The following IMMP2L variants were observed in gnomAD, a reference collection of about 807,000 sequenced individuals.
IMMP2L encodes mitochondrial inner membrane protease subunit 2.
Under a neutral mutation model 19.3 loss-of-function variants are expected in IMMP2L, and 18 were observed. The observed-to-expected ratio is 0.93, with a 90% CI of 0.64 to 1.38. IMMP2L has a LOEUF of 1.38. Ranked by LOEUF, IMMP2L falls within the 40% of genes most tolerant of loss-of-function variation. IMMP2L has a pLI of 0.00. For missense variants in IMMP2L, 233 were observed against 218.2 expected (o/e 1.07, Z -0.43); for synonymous variants, 76 against 73.0 (o/e 1.04, Z -0.21).
rs565628628 is a variant in IMMP2L at position 110,898,811 on chromosome 7, T to G, written c.306-12116A>C. 2.1e-4 allele frequency among the ~76,000 whole-genome samples: 32 copies of G among 148,858 alleles called. No homozygotes were observed. The East Asian group carries it at 2.9e-3, about 13-fold the overall frequency. On this transcript the variant is annotated intron_variant, in intron 4 of 5. Coordinates refer to ENST00000405709, the MANE Select transcript of IMMP2L (RefSeq NM_032549.4). ...TCAGCTCTTTTTCCTGAGTTTGTTT[T>G]TTTTTTTTTTTAAATAAAGAACTTA...
intron 2 of IMMP2L, among the ~76,000 whole-genome samples, chr7:111,508,540 C>A (rs1269014711): frequency 6.6e-6 from 1 of 152,054 alleles, no homozygotes; most frequent in Non-Finnish European, 1.5e-5. Context: ...AAGCTTTCAG[C>A]CAAGAGAGGG....
chr7:110,772,833 T>C (rs1799124150), intron 5 of IMMP2L, among the ~76,000 whole-genome samples: 1 of 152,166 alleles, frequency 6.6e-6, no homozygotes, highest in Non-Finnish European at 1.5e-5. Flanking sequence ...CCAGTATTAC[T>C]GGCAGGAGGC....
chr7:111,170,672 T>C (rs964491095), intron 3 of IMMP2L, among the ~76,000 whole-genome samples: 2 of 151,868 alleles, frequency 1.3e-5, no homozygotes, highest in African/African-American at 2.4e-5. Context: ...TGAGGGTTCC[T>C]ATCATCTCCC....
chr7:111,249,552 T>A (rs1046154104), intron 3 of IMMP2L, among the ~76,000 whole-genome samples: 1 of 152,144 alleles, frequency 6.6e-6, no homozygotes, highest in African/African-American at 2.4e-5. Context: ...CCCCCTCTTG[T>A]TGCTTTAACT....
At chr7:110,980,559 T>G (rs779734226) in intron 3 of IMMP2L, among the ~76,000 whole-genome samples, 1 of 152,086 alleles carries the variant, frequency 6.6e-6, no homozygotes, top group Non-Finnish European at 1.5e-5. Flanking sequence ...TGTGAGCCAG[T>G]TGAGGAAAGA....
At chr7:111,438,437 C>T (rs1458752957) in intron 3 of IMMP2L, among the ~76,000 whole-genome samples, 1 of 151,750 alleles carries the variant, frequency 6.6e-6, no homozygotes, top group Non-Finnish European at 1.5e-5. Context: ...AGGAGTCCCA[C>T]ACCCACTGTT....
chr7:111,461,406 A>G (rs368197473), intron 3 of IMMP2L, among the ~76,000 whole-genome samples: 4 of 152,196 alleles, frequency 2.6e-5, no homozygotes, highest in African/African-American at 9.6e-5. Context: ...ACACACACAT[A>G]CACGCACACG....
At chr7:110,736,321 C>T (rs916408692) in intron 5 of IMMP2L, among the ~76,000 whole-genome samples, 1 of 152,190 alleles carries the variant, frequency 6.6e-6, no homozygotes, top group African/African-American at 2.4e-5. Context: ...ACTGCAGAGT[C>T]CCCATTGGGG....
chr7:111,374,038 C>G (rs1830468500), intron 3 of IMMP2L, among the ~76,000 whole-genome samples: 1 of 151,866 alleles, frequency 6.6e-6, no homozygotes, highest in Non-Finnish European at 1.5e-5. Flanking sequence ...CCATTTTACT[C>G]TGCAGCAAAG....
At chr7:111,558,986 C>T (rs1791701833) in intron 1 of IMMP2L, among the ~76,000 whole-genome samples, 1 of 152,022 alleles carries the variant, frequency 6.6e-6, no homozygotes, top group African/African-American at 2.4e-5. Context: ...GCCTTGTTAA[C>T]TTGTAAGAAC....
chr7:111,408,964 A>G (rs1228219448), intron 3 of IMMP2L, among the ~76,000 whole-genome samples: 1 of 151,712 alleles, frequency 6.6e-6, no homozygotes, highest in Non-Finnish European at 1.5e-5. Flanking sequence ...TTCTGTCTAG[A>G]TGATATATTG....
chr7:110,748,937 G>A (rs2130907985), intron 5 of IMMP2L, among the ~76,000 whole-genome samples: 1 of 152,246 alleles, frequency 6.6e-6, no homozygotes, highest in African/African-American at 2.4e-5. Flanking sequence ...CACAGCAATA[G>A]AAACTATCAT....
chr7:110,823,158 G>T (rs997860378), intron 5 of IMMP2L, among the ~76,000 whole-genome samples: 1 of 151,960 alleles, frequency 6.6e-6, no homozygotes, highest in South Asian at 2.1e-4. Flanking sequence ...ATTAATAAAA[G>T]AAATAAAGAA....
chr7:111,388,784 A>G (rs1038698765), intron 3 of IMMP2L, among the ~76,000 whole-genome samples: 3 of 152,008 alleles, frequency 2.0e-5, no homozygotes, highest in Non-Finnish European at 4.4e-5. Flanking sequence ...CCATGATTCA[A>G]TTACCTCCCC....
chr7:111,391,970 T>C (rs927789339), intron 3 of IMMP2L: 1 of 703,128 alleles, frequency 1.4e-6, no homozygotes, highest in African/African-American at 1.7e-5. Context: ...TCTTCTCGGT[T>C]GGCAACAGAG....
intron 5 of IMMP2L, among the ~76,000 whole-genome samples, chr7:110,702,510 G>C (rs1015702082): frequency 5.9e-5 from 9 of 152,094 alleles, no homozygotes; most frequent in African/African-American, 2.2e-4. Flanking sequence ...CCAAATCATG[G>C]ATAACTGACA....
intron 3 of IMMP2L, among the ~76,000 whole-genome samples, chr7:111,423,421 A>T (rs1187510244): frequency 6.6e-6 from 1 of 151,686 alleles, no homozygotes; most frequent in African/African-American, 2.4e-5. Flanking sequence ...TAGAGATTCA[A>T]CTTCTTCCTG....
intron 3 of IMMP2L, among the ~76,000 whole-genome samples, chr7:111,444,610 TTCC>T (rs1256905464): frequency 6.6e-6 from 1 of 152,198 alleles, no homozygotes; most frequent in Non-Finnish European, 1.5e-5. Context: ...TCTCTTCATT[TTCC>T]TCATCGCTTC....
intron 3 of IMMP2L, among the ~76,000 whole-genome samples, chr7:111,344,110 T>C (rs980449234): frequency 1.3e-5 from 2 of 152,128 alleles, no homozygotes; most frequent in African/African-American, 4.8e-5. Context: ...CAATTTATTT[T>C]AATATAGAGC....
Sources: gnomAD v4.1 joint callset for allele counts (sites outside exome capture counted in the v4.1 genomes callset) on GRCh38, gnomAD v4.1.1 for gene constraint, MANE v1.5 for transcripts, NCBI Gene and HGNC (gene_info 2026-07-23, HGNC 2026-07-21) for gene names.